Variants in SPRR2B observed in about 807,000 individuals in gnomAD.
SPRR2B encodes the protein small proline rich protein 2B.
In SPRR2B, 1 loss-of-function variant was observed where a neutral mutation model predicts 1.0. The ratio of observed to expected loss-of-function variants is 1.01; its 90% CI spans 0.36 to 4.77. SPRR2B has a LOEUF of 4.77. Ranked by LOEUF, SPRR2B falls within the 30% of genes most tolerant of loss-of-function variation. The pLI is 0.16. For synonymous variants in SPRR2B, 27 were observed against 33.4 expected, an observed-to-expected ratio of 0.81 and a Z score of 0.66; for missense variants, 53 against 88.7, an observed-to-expected ratio of 0.60 and a Z score of 1.62.
the SPRR2B span, among the ~76,000 whole-genome samples, chr1:153,081,238 G>A: frequency 6.6e-6 from 1 of 152,152 alleles, no homozygotes; most frequent in Non-Finnish European, 1.5e-5. Flanking sequence ...AATGAATTCA[G>A]TGACACCCAG....
At position 153,070,731 on chromosome 1, in the gene SPRR2B, G is replaced by A; in HGVS notation, c.109C>T (p.Pro37Ser). 1.9e-6 allele frequency: 3 copies of A among 1,609,186 alleles called. No homozygotes were observed. The highest frequency in any genetic ancestry group is 1.7e-6 in the Non-Finnish European group (2 of 1,178,584). Reference sequence around the variant, plus strand: ...CAGGGCTGTGGACACTTTGGTGGTGGGCAGGGCTCAGGGCACTTCGGGGGT... The same window carrying A: ...CAGGGCTGTGGACACTTTGGTGGTGAGCAGGGCTCAGGGCACTTCGGGGGT... ...CPPPKCPEPC[P>S]PPKCPQPCPP... Residue 37 changes from proline (P) to serine (S), a missense_variant, in exon 2 of 2, where the codon CCA becomes TCA. By Grantham distance (74) the Pro-to-Ser change is moderately conservative. Transcript: ENST00000368755.
the SPRR2B span, among the ~76,000 whole-genome samples, chr1:153,085,210 T>C: frequency 1.4e-4 from 21 of 152,160 alleles, no homozygotes; most frequent in Non-Finnish European, 2.1e-4. Flanking sequence ...AATTTCAATA[T>C]GGATAGGAAG....
chr1:153,074,849 T>C (rs558269111), upstream of SPRR2B, among the ~76,000 whole-genome samples: 1 of 152,328 alleles, frequency 6.6e-6, no homozygotes, highest in African/African-American at 2.4e-5. Context: ...TAATGGTCTT[T>C]TTTATTTTTT....
At chr1:153,085,846 G>A in the SPRR2B span, among the ~76,000 whole-genome samples, 16 of 152,236 alleles carry the variant, frequency 1.1e-4, no homozygotes, top group East Asian at 1.7e-3. Context: ...AGCAGAAACC[G>A]TACAAGCAAG....
the SPRR2B span, among the ~76,000 whole-genome samples, chr1:153,078,813 G>A: frequency 2.6e-5 from 4 of 152,142 alleles, no homozygotes; most frequent in Admixed American, 6.5e-5. Flanking sequence ...GAATAGTGCT[G>A]CAATAAACAT....
At chr1:153,082,121 C>A in the SPRR2B span, among the ~76,000 whole-genome samples, 521 of 152,140 alleles carry the variant, frequency 3.4e-3, 1 homozygote, top group African/African-American at 0.012. Context: ...CTTTAGGATA[C>A]TATACATAAT....
chr1:153,081,157 T>A, the SPRR2B span, among the ~76,000 whole-genome samples: 535 of 152,272 alleles, frequency 3.5e-3, 9 homozygotes, highest in East Asian at 0.033. Context: ...TATAATCAAA[T>A]TATCAAAAGA....
At chr1:153,084,719 C>G in the SPRR2B span, among the ~76,000 whole-genome samples, 2 of 152,276 alleles carry the variant, frequency 1.3e-5, no homozygotes, top group East Asian at 3.9e-4. Context: ...TTGACACATA[C>G]AAACAAGAAT....
At chr1:153,071,616 T>C (rs998406796), upstream of SPRR2B, among the ~76,000 whole-genome samples, 4 of 152,058 alleles carry the variant, frequency 2.6e-5, no homozygotes, top group Non-Finnish European at 5.9e-5. Flanking sequence ...AGTTTAGGAG[T>C]TGGGCAGCAG....
the SPRR2B span, among the ~76,000 whole-genome samples, chr1:153,077,271 G>A: frequency 6.6e-6 from 1 of 152,078 alleles, no homozygotes; most frequent in Non-Finnish European, 1.5e-5. Flanking sequence ...TAAAATGAGG[G>A]CAAAATTATG....
At chr1:153,072,902 C>CT (rs1654699003), upstream of SPRR2B, among the ~76,000 whole-genome samples, 1 of 152,172 alleles carries the variant, frequency 6.6e-6, no homozygotes, top group African/African-American at 2.4e-5. Flanking sequence ...TAAAATACTG[C>CT]TGCTGGAGCT....
chr1:153,083,809 G>T, the SPRR2B span, among the ~76,000 whole-genome samples: 1 of 152,240 alleles, frequency 6.6e-6, no homozygotes, highest in Non-Finnish European at 1.5e-5. Context: ...GGTGACAGAG[G>T]CAGCATGCCA....
At chr1:153,084,466 CA>C in the SPRR2B span, among the ~76,000 whole-genome samples, 1 of 152,112 alleles carries the variant, frequency 6.6e-6, no homozygotes, top group African/African-American at 2.4e-5. Context: ...GCACCCCAAA[CA>C]AAAACCCCAA....
At chr1:153,083,142 C>T in the SPRR2B span, among the ~76,000 whole-genome samples, 9 of 151,956 alleles carry the variant, frequency 5.9e-5, no homozygotes, top group African/African-American at 1.7e-4. Flanking sequence ...TCTACCAACT[C>T]GTGAAGAAAT....
upstream of SPRR2B, among the ~76,000 whole-genome samples, chr1:153,074,999 C>T (rs1290515010): frequency 1.8e-4 from 28 of 152,186 alleles, no homozygotes; most frequent in Admixed American, 1.8e-3. Flanking sequence ...CCTCATAGCA[C>T]TGACATACAT....
upstream of SPRR2B, among the ~76,000 whole-genome samples, chr1:153,073,845 T>G (rs185695530): frequency 2.0e-5 from 3 of 152,168 alleles, no homozygotes; most frequent in Admixed American, 2.0e-4. Flanking sequence ...CATAATTTTC[T>G]AAGGGATCAT....
chr1:153,085,834 TCAG>T, the SPRR2B span, among the ~76,000 whole-genome samples: 204 of 152,288 alleles, frequency 1.3e-3, 6 homozygotes, highest in East Asian at 0.038. Flanking sequence ...AACAGACCTC[TCAG>T]CAGAAACCGT....
the SPRR2B span, among the ~76,000 whole-genome samples, chr1:153,082,057 C>A: frequency 1.3e-5 from 2 of 152,054 alleles, no homozygotes; most frequent in Non-Finnish European, 2.9e-5. Flanking sequence ...TATGAGTCAA[C>A]TTTTTGATGC....
the SPRR2B span, among the ~76,000 whole-genome samples, chr1:153,079,169 A>C: frequency 6.6e-6 from 1 of 152,074 alleles, no homozygotes; most frequent in East Asian, 1.9e-4. Context: ...TTCTTTTGAG[A>C]AGTGTCTGTT....
Sources: allele counts gnomAD v4.1 joint callset (sites outside exome capture counted in the v4.1 genomes callset), GRCh38; gene constraint gnomAD v4.1.1; transcripts MANE v1.5; gene names NCBI Gene and HGNC (gene_info 2026-07-23, HGNC 2026-07-21).